The following RYR2 variants were observed in gnomAD, a reference collection of about 807,000 sequenced individuals.
RYR2 encodes ryanodine receptor 2, also known as cardiac muscle ryanodine receptor-calcium release channel.
In RYR2, 227 loss-of-function variants were observed where a neutral mutation model predicts 601.1. That is an observed-to-expected ratio of 0.38 (90% CI 0.34 to 0.42). The LOEUF is 0.42. RYR2 is among the 10% of genes least tolerant of loss of function. The probability of loss-of-function intolerance (pLI) is 1.00; values close to 1 mark genes in which losing one functional copy is unlikely to be tolerated. For missense variants in RYR2, 4,646 were observed against 6,156.5 expected (o/e 0.75, Z 8.21); for synonymous variants, 2,223 against 2,175.1 (o/e 1.02, Z -0.61).
chr1:237,148,528 ATATATAT>A (rs1227518376), intron 1 of RYR2, among the ~76,000 whole-genome samples: 11 of 76,926 alleles, frequency 1.4e-4, no homozygotes, highest in African/African-American at 3.8e-4. Flanking sequence ...AAAAAAAAAA[ATATATAT>A]ATATATATAT....
intron 12 of RYR2, among the ~76,000 whole-genome samples, chr1:237,437,613 T>C (rs566501307): frequency 2.0e-5 from 3 of 152,186 alleles, no homozygotes; most frequent in African/African-American, 7.2e-5. Context: ...AAGAAGACAA[T>C]TGAGGAACAG....
chr1:237,607,017 G>A (rs576917718), intron 35 of RYR2, among the ~76,000 whole-genome samples: 167 of 152,326 alleles, frequency 1.1e-3, no homozygotes, highest in African/African-American at 3.9e-3. Context: ...ACAGTGTGGC[G>A]ATTCCTCAAG....
intron 2 of RYR2, among the ~76,000 whole-genome samples, chr1:237,289,214 G>A (rs550001111): frequency 3.9e-5 from 6 of 152,208 alleles, no homozygotes; most frequent in Non-Finnish European, 5.9e-5. Context: ...GGATCCTCTC[G>A]GGATTGCTGG....
chr1:237,387,988 A>G, intron 9 of RYR2, 99 bp from the exon 10 acceptor site: 1 of 1,099,660 alleles, frequency 9.1e-7, no homozygotes, highest in Non-Finnish European at 1.3e-6. Flanking sequence ...ACTAGACTTC[A>G]GTTTCTTTAC....
At chr1:237,362,215 GT>G (rs778155215) in intron 4 of RYR2, among the ~76,000 whole-genome samples, 1 of 152,146 alleles carries the variant, frequency 6.6e-6, no homozygotes, top group African/African-American at 2.4e-5. Flanking sequence ...CCACCTTTGT[GT>G]TTCTATGCAA....
intron 12 of RYR2, among the ~76,000 whole-genome samples, chr1:237,423,811 G>T (rs1705834116): frequency 6.6e-6 from 1 of 152,120 alleles, no homozygotes; most frequent in South Asian, 2.1e-4. Context: ...TATGATAATT[G>T]CTATATTCGT....
At chr1:237,396,816 T>G (rs1702896586) in intron 10 of RYR2, among the ~76,000 whole-genome samples, 1 of 152,170 alleles carries the variant, frequency 6.6e-6, no homozygotes, top group African/African-American at 2.4e-5. Flanking sequence ...AACTTCACAT[T>G]TTATATCAAA....
chr1:237,651,616 A>C, intron 51 of RYR2, 115 bp downstream of exon 51: 1 of 661,802 alleles, frequency 1.5e-6, no homozygotes, highest in Non-Finnish European at 2.6e-6. Flanking sequence ...AATTTCTCCC[A>C]ATTATTGAAA....
chr1:237,395,854 C>T (rs1430394701), intron 10 of RYR2, among the ~76,000 whole-genome samples: 1 of 152,028 alleles, frequency 6.6e-6, no homozygotes, highest in Admixed American at 6.6e-5. Context: ...CCAGGACTAT[C>T]TTTAACTTCC....
intron 63 of RYR2, among the ~76,000 whole-genome samples, chr1:237,690,269 C>T (rs997322172): frequency 6.6e-6 from 1 of 152,044 alleles, no homozygotes; most frequent in Non-Finnish European, 1.5e-5. Context: ...AATCAGAAAA[C>T]CTAGTTGTAA....
At chr1:237,204,837 C>A (rs1227323301) in intron 1 of RYR2, among the ~76,000 whole-genome samples, 1 of 152,208 alleles carries the variant, frequency 6.6e-6, no homozygotes, top group African/African-American at 2.4e-5. Flanking sequence ...CATTGGTGAG[C>A]TGTAGGGATG....
At chr1:237,359,691 C>T (rs999898092) in intron 4 of RYR2, among the ~76,000 whole-genome samples, 3 of 152,150 alleles carry the variant, frequency 2.0e-5, no homozygotes, top group African/African-American at 7.2e-5. Context: ...GCCTTCATCT[C>T]CTTCCTTCTC....
chr1:237,303,707 C>T (rs1051473659), intron 2 of RYR2, among the ~76,000 whole-genome samples: 8 of 152,098 alleles, frequency 5.3e-5, no homozygotes, highest in African/African-American at 1.9e-4. Flanking sequence ...CTCACTTTGT[C>T]CTGGCAATCA....
chr1:237,566,676 C>A lies in RYR2; in HGVS notation c.3324C>A (p.Val1108=). ...GGTGGTATTTTGAATTTGAGACGGT[C>A]ACTGCTGGAGACATGAGGGTTGGTT... ...AGRWYFEFET[V]TAGDMRVGWS... is the part of the protein sequence containing the mutation. Residue 1108 remains valine, a synonymous_variant, in exon 28 of 105, where the codon GTC becomes GTA. Transcript: ENST00000366574. 6.2e-7 allele frequency: 1 copy of A among 1,613,950 alleles called. No individual in the cohort carries two copies. Among genetic ancestry groups the A allele is most frequent in the South Asian group, 1.1e-5 (1 of 91,062 alleles).
In RYR2 at chr1:237,669,889, C is replaced by T. The variant is rs1378774148; in HGVS notation, c.8590+1931C>T. ...GCTCCTCACTTCCCAGACGGGGTGG[C>T]GGCCGGGCAGAGGCTGCAATCTCGG... On this transcript the variant is annotated intron_variant, in intron 58 of 104. Transcript: ENST00000366574. Among the ~76,000 whole-genome samples the T allele has an allele frequency of 2.1e-3, 319 of 151,888 alleles. 2 individuals carry two copies. The highest frequency in any genetic ancestry group is 7.5e-3 in the African/African-American group (312 of 41,420).
intron 62 of RYR2, among the ~76,000 whole-genome samples, chr1:237,681,782 G>A (rs1037099248): frequency 6.6e-6 from 1 of 152,008 alleles, no homozygotes; most frequent in South Asian, 2.1e-4. Flanking sequence ...CATTTCATAA[G>A]CACCACATCC....
chr1:237,707,988 G>A (rs771898960), intron 68 of RYR2, among the ~76,000 whole-genome samples: 1 of 140,398 alleles, frequency 7.1e-6, no homozygotes, highest in Admixed American at 7.7e-5. Context: ...CACCATGTTC[G>A]CCAGGCTGGT....
chr1:237,513,085 T>C (rs1483180378), intron 24 of RYR2, among the ~76,000 whole-genome samples: 3 of 152,128 alleles, frequency 2.0e-5, no homozygotes, highest in Admixed American at 6.5e-5. Context: ...AAAGCTACTG[T>C]AGAGTATTTT....
chr1:237,127,512 G>A (rs546203760), intron 1 of RYR2, among the ~76,000 whole-genome samples: 1 of 151,024 alleles, frequency 6.6e-6, no homozygotes, highest in Admixed American at 6.6e-5. Context: ...CGGGCGGGGG[G>A]CTGATGCCCC....
Sources: gnomAD v4.1 joint callset for allele counts (sites outside exome capture counted in the v4.1 genomes callset) on GRCh38, gnomAD v4.1.1 for gene constraint, MANE v1.5 for transcripts, NCBI Gene and HGNC (gene_info 2026-07-23, HGNC 2026-07-21) for gene names.